The following PHLDB2 variants were observed in gnomAD, a reference collection of about 807,000 sequenced individuals.
PHLDB2 encodes pleckstrin homology-like domain family B member 2.
In PHLDB2, 71 loss-of-function variants were observed where a neutral mutation model predicts 123.6. That is an observed-to-expected ratio of 0.57 (90% CI 0.47 to 0.70). PHLDB2 has a LOEUF of 0.70. PHLDB2 is among the 30% of genes least tolerant of loss of function. The pLI is 0.00. For missense variants in PHLDB2, 1,446 were observed against 1,519.5 expected (o/e 0.95, Z 0.80); for synonymous variants, 547 against 541.6 (o/e 1.01, Z -0.14).
chr3:111,840,749 T>C (rs1384077508), intron 1 of PHLDB2, among the ~76,000 whole-genome samples: 1 of 152,198 alleles, frequency 6.6e-6, no homozygotes, highest in Admixed American at 6.5e-5. Flanking sequence ...TAGACGAACC[T>C]ACTCAAAAGA....
intron 8 of PHLDB2, among the ~76,000 whole-genome samples, chr3:111,941,633 T>G (rs2069891132): frequency 6.6e-6 from 1 of 151,952 alleles, no homozygotes; most frequent in Admixed American, 6.6e-5. Flanking sequence ...ATGGAAAAAC[T>G]CTATGTCTAC....
At chr3:111,929,514 T>A (rs533423977) in intron 5 of PHLDB2, among the ~76,000 whole-genome samples, 3 of 152,342 alleles carry the variant, frequency 2.0e-5, no homozygotes, top group Non-Finnish European at 4.4e-5. Context: ...GGTGAAACTT[T>A]CAGCTCTAAT....
chr3:111,804,152 A>T (rs1212299151), intron 1 of PHLDB2, among the ~76,000 whole-genome samples: 1 of 152,224 alleles, frequency 6.6e-6, no homozygotes, highest in Non-Finnish European at 1.5e-5. Context: ...ATATAGGTAT[A>T]TCTGTGCTTT....
chr3:111,791,231 T>C (rs1453123982), intron 1 of PHLDB2, among the ~76,000 whole-genome samples: 1 of 152,256 alleles, frequency 6.6e-6, no homozygotes, highest in African/African-American at 2.4e-5. Context: ...TGAAAGGCTA[T>C]GTGCAAGACT....
At chr3:111,789,967 C>T (rs2060845905) in intron 1 of PHLDB2, among the ~76,000 whole-genome samples, 1 of 152,112 alleles carries the variant, frequency 6.6e-6, no homozygotes, top group African/African-American at 2.4e-5. Flanking sequence ...AACCAAAGCC[C>T]CTTCAGAATT....
At chr3:111,808,805 C>T (rs1576681781) in intron 1 of PHLDB2, among the ~76,000 whole-genome samples, 1 of 152,234 alleles carries the variant, frequency 6.6e-6, no homozygotes, top group Non-Finnish European at 1.5e-5. Context: ...CCTTTTATAA[C>T]CCTAAGGTAT....
At chr3:111,892,519 T>C (rs1302941766) in intron 2 of PHLDB2, among the ~76,000 whole-genome samples, 1 of 152,198 alleles carries the variant, frequency 6.6e-6, no homozygotes, top group African/African-American at 2.4e-5. Context: ...GTGACTGTAG[T>C]TTGCATCCCT....
At chr3:111,785,860 A>G (rs367760910) in intron 1 of PHLDB2, among the ~76,000 whole-genome samples, 3 of 152,190 alleles carry the variant, frequency 2.0e-5, no homozygotes, top group African/African-American at 7.2e-5. Flanking sequence ...CTTTTGAAGA[A>G]GAATTCAAAA....
chr3:111,740,648 C>G (rs1373747561), intron 1 of PHLDB2, among the ~76,000 whole-genome samples: 1 of 152,120 alleles, frequency 6.6e-6, no homozygotes, highest in Non-Finnish European at 1.5e-5. Context: ...TTGACTGTCA[C>G]AACCGTATTA....
rs376588177 is a variant in PHLDB2 at position 111,954,723 on chromosome 3, A to G, written c.2872+694A>G. 9.8e-5 allele frequency among the ~76,000 whole-genome samples: 15 copies of G among 152,364 alleles called. 1 individual carries two copies. The South Asian group carries it at 3.1e-3, about 32-fold the overall frequency. ...AGTTACATTGCCCTAACTTTTGAGC[A>G]GGCACGATGCTAGGTGCCAAGAATG... On this transcript the variant is annotated intron_variant, in intron 12 of 17. Transcript: ENST00000431670.
chr3:111,800,009 G>C (rs556785157), intron 1 of PHLDB2, among the ~76,000 whole-genome samples: 4 of 152,238 alleles, frequency 2.6e-5, no homozygotes, highest in African/African-American at 7.2e-5. Flanking sequence ...GGATACTCGA[G>C]AAACTTTTTT....
intron 12 of PHLDB2, among the ~76,000 whole-genome samples, chr3:111,955,143 T>TTATATATATATA (rs1559921115): frequency 1.7e-3 from 16 of 9,252 alleles, no homozygotes; most frequent in Non-Finnish European, 3.1e-3. Context: ...TATGTATATA[T>TTATATATATATA]GATATATATA....
chr3:111,835,133 A>T (rs1268546511), intron 1 of PHLDB2, among the ~76,000 whole-genome samples: 3 of 152,220 alleles, frequency 2.0e-5, no homozygotes, highest in South Asian at 2.1e-4. Flanking sequence ...GCACTTGCAC[A>T]TGCCTTAAAT....
chr3:111,747,861 A>G (rs2059704961), intron 1 of PHLDB2, among the ~76,000 whole-genome samples: 2 of 152,134 alleles, frequency 1.3e-5, no homozygotes, highest in East Asian at 3.9e-4. Context: ...GGAGTGAGAA[A>G]GAGTTTAAAC....
chr3:111,954,032 A>G lies in PHLDB2; in HGVS notation c.2872+3A>G, dbSNP rs774782782. ...AGAATCTCGGAGGATGCTCAGAGGT[A>G]CGTACCTTTTAAATCAAGTGTCATG... is the stretch of plus-strand genomic sequence containing the variant. On this transcript the variant is annotated splice_donor_region_variant and intron_variant, in intron 12 of 17. Coordinates refer to ENST00000431670, the MANE Select transcript of PHLDB2 (RefSeq NM_001134438.2). The G allele has an allele frequency of 1.2e-6, 2 of 1,611,674 alleles. No individual in the cohort carries two copies. The highest frequency in any genetic ancestry group is 1.7e-6 in the Non-Finnish European group (2 of 1,178,166).
At chr3:111,936,634 A>G (rs2069509658) in intron 6 of PHLDB2, among the ~76,000 whole-genome samples, 1 of 152,198 alleles carries the variant, frequency 6.6e-6, no homozygotes, top group Admixed American at 6.5e-5. Context: ...AGTATTTACT[A>G]CAAATAAATG....
In PHLDB2 at chr3:111,958,780, A is replaced by T. The variant is rs977224566; in HGVS notation, c.2873-3328A>T. ...TTAATGTTATTCTTGCTACATAATT[A>T]AAAAACAGAAACCAAATAGTCTCAG... On this transcript the variant is annotated intron_variant, in intron 12 of 17. Transcript: ENST00000431670. The T allele has an allele frequency of 8.9e-6, 4 of 451,416 alleles. No homozygotes were observed. The East Asian group carries it at 2.8e-4, about 31-fold the overall frequency. 28.0% of individuals were successfully genotyped at this position (451,416 alleles called of 1,614,324 possible). A position where few individuals can be genotyped will look rare whatever the true frequency, so the allele number is the denominator to read the frequency against.
At chr3:111,819,918 T>G (rs1209848863) in intron 1 of PHLDB2, among the ~76,000 whole-genome samples, 1 of 152,234 alleles carries the variant, frequency 6.6e-6, no homozygotes, top group Non-Finnish European at 1.5e-5. Flanking sequence ...CAAGTCCTCA[T>G]TTAGTAACCG....
At chr3:111,955,014 G>A (rs1240659001) in intron 12 of PHLDB2, among the ~76,000 whole-genome samples, 3 of 151,510 alleles carry the variant, frequency 2.0e-5, no homozygotes, top group African/African-American at 4.9e-5. Flanking sequence ...GATAACACTG[G>A]TTTTCCATCA....
Sources: allele counts gnomAD v4.1 joint callset (sites outside exome capture counted in the v4.1 genomes callset), GRCh38; gene constraint gnomAD v4.1.1; transcripts MANE v1.5; gene names NCBI Gene and HGNC (gene_info 2026-07-23, HGNC 2026-07-21).